The following LGI3 variants were observed in gnomAD, a reference collection of about 807,000 sequenced individuals.
The protein encoded by LGI3 is leucine rich repeat LGI family member 3.
Under a neutral mutation model 55.4 loss-of-function variants are expected in LGI3, and 47 were observed. The observed-to-expected ratio is 0.85, with a 90% CI of 0.67 to 1.08. The LOEUF is 1.08. Ranked by LOEUF, LGI3 falls within the 50% of genes least tolerant of loss-of-function variation. The probability of loss-of-function intolerance (pLI) is 0.00; values close to 1 mark genes in which losing one functional copy is unlikely to be tolerated. For synonymous variants in LGI3, 326 were observed against 315.0 expected, an observed-to-expected ratio of 1.04 and a Z score of -0.37; for missense variants, 664 against 726.3, an observed-to-expected ratio of 0.91 and a Z score of 0.99.
At chr8:22,154,332 G>A in intron 3 of LGI3, 119 bp from the exon 4 acceptor site, 1 of 903,176 alleles carries the variant, frequency 1.1e-6, no homozygotes, top group Non-Finnish European at 1.8e-6. Context: ...TCCAAATGGA[G>A]TCTGGCATCA....
At chr8:22,154,950 A>C in intron 2 of LGI3, 1 of 434,274 alleles carries the variant, frequency 2.3e-6, no homozygotes, top group Non-Finnish European at 4.2e-6. Context: ...CCAGCCCCTC[A>C]TGGACAACTG....
In LGI3 at chr8:22,156,325, C is replaced by G; in HGVS notation, c.206+12G>C. ...CCCTCCCCAACCCCCAAGGCCAGGG[C>G]TGGACACTCACAGGGAGATGACCTC... On this transcript the variant is annotated intron_variant, in intron 1 of 7. Transcript: ENST00000306317. The G allele has an allele frequency of 6.2e-7, 1 of 1,610,672 alleles. No homozygotes were observed. The highest frequency in any genetic ancestry group is 1.1e-5 in the South Asian group (1 of 90,726).
At chr8:22,152,759 A>G (rs1186768116) in intron 5 of LGI3, among the ~76,000 whole-genome samples, 7 of 148,672 alleles carry the variant, frequency 4.7e-5, no homozygotes, top group Non-Finnish European at 8.9e-5. Flanking sequence ...AAAAAAAAAA[A>G]GCACATGTTG....
intron 6 of LGI3, 27 bp from the exon 7 acceptor site, chr8:22,151,680 A>G (rs1827380447): frequency 6.2e-7 from 1 of 1,610,550 alleles, no homozygotes; most frequent in African/African-American, 1.3e-5. Flanking sequence ...GCGTTACTGA[A>G]GACCAGAGGG....
chr8:22,149,123 A>G (rs959959744), intron 7 of LGI3, 146 bp from the exon 8 acceptor site: 13 of 611,390 alleles, frequency 2.1e-5, no homozygotes, highest in African/African-American at 5.5e-5. Flanking sequence ...AAGTTCATCC[A>G]CTAAGCGCTC....
At chr8:22,150,610 G>T (rs1043381775) in intron 7 of LGI3, among the ~76,000 whole-genome samples, 1 of 151,758 alleles carries the variant, frequency 6.6e-6, no homozygotes, top group Non-Finnish European at 1.5e-5. Flanking sequence ...CACCCGCCTC[G>T]GCCTCCCAAA....
At chr8:22,156,100 A>G (rs1827492205) in intron 1 of LGI3, among the ~76,000 whole-genome samples, 1 of 152,108 alleles carries the variant, frequency 6.6e-6, no homozygotes, top group Admixed American at 6.5e-5. Context: ...GCTCGTGGTG[A>G]TGATGATTCA....
In LGI3 at chr8:22,154,230, C is replaced by A; in HGVS notation, c.351-17G>T. ...TCAATGAAGCTGGGGAAAGCGGGAACTTGCCTCAGTGCTCACACAGGATGC... is the reference window on the plus strand; with the variant it reads ...TCAATGAAGCTGGGGAAAGCGGGAAATTGCCTCAGTGCTCACACAGGATGC... On this transcript the variant is annotated splice_polypyrimidine_tract_variant and intron_variant, in intron 3 of 7. Transcript: ENST00000306317. The A allele has an allele frequency of 6.2e-7, 1 of 1,610,724 alleles. No homozygotes were observed. Among genetic ancestry groups the A allele is most frequent in the Non-Finnish European group, 8.5e-7 (1 of 1,177,100 alleles).
Position 22,155,448 on chromosome 8 carries a change from G to A in LGI3, c.222C>T (p.Ala74=), listed in dbSNP as rs559619225. Residue 74 remains alanine, a synonymous_variant, in exon 2 of 8, where the codon GCC becomes GCT. Transcript: ENST00000306317. Reference sequence around the variant, plus strand: ...CTCCATCCTGGATCTCTGAGAAGGCGGCATTCACCAGGGTCCTGCGGGGAC... The same window carrying A: ...CTCCATCCTGGATCTCTGAGAAGGCAGCATTCACCAGGGTCCTGCGGGGAC... ...SEVISLTLVN[A]AFSEIQDGAF... is the part of the protein sequence containing the mutation. 227 of 1,613,802 alleles carry A rather than the reference G, an allele frequency of 1.4e-4. 2 individuals are homozygous for A. The South Asian group carries it at 1.9e-3, about 14-fold the overall frequency.
In LGI3 at chr8:22,148,068, G is replaced by A. The variant is rs535896704; in HGVS notation, c.*92C>T. On this transcript the variant is annotated 3_prime_UTR_variant, in exon 8 of 8. Coordinates refer to ENST00000306317, the MANE Select transcript of LGI3 (RefSeq NM_139278.4). The surrounding 1 kb of genome is among the most constrained non-coding windows in gnomAD (Gnocchi z 7.0). ...ACAAGGGCATGAATGCAGGTTGGTC[G>A]CTTGTCTTCACACAGGCATACGTGG... The A allele has an allele frequency of 3.8e-5, 43 of 1,119,000 alleles. No individual in the cohort carries two copies. Among genetic ancestry groups the A allele is most frequent in the Middle Eastern group, 6.1e-4 (2 of 3,264 alleles). The allele number at this position is 1,119,000 out of a possible 1,614,324, so 69.3% of individuals were successfully genotyped here.
At chr8:22,155,578 T>A in intron 1 of LGI3, 115 bp from the exon 2 acceptor site, 1 of 828,846 alleles carries the variant, frequency 1.2e-6, no homozygotes, top group Non-Finnish European at 2.0e-6. Flanking sequence ...AATGCCCCAT[T>A]TCACCTAATT....
In LGI3 at chr8:22,148,064, GGTCGCTTGTCTT is replaced by G; in HGVS notation, c.*84_*95del. ...GGATACAAGGGCATGAATGCAGGTT[GGTCGCTTGTCTT>G]CACACAGGCATACGTGGTGCTCACA... On this transcript the variant is annotated 3_prime_UTR_variant, in exon 8 of 8. Coordinates refer to ENST00000306317, the MANE Select transcript of LGI3 (RefSeq NM_139278.4). The surrounding 1 kb of genome is among the most constrained non-coding windows in gnomAD (Gnocchi z 7.0). 9.9e-7 allele frequency: 1 copy of G among 1,008,458 alleles called. No individual in the cohort carries two copies. Among genetic ancestry groups the G allele is most frequent in the Non-Finnish European group, 1.5e-6 (1 of 682,484 alleles). 62.5% of individuals were successfully genotyped at this position (1,008,458 alleles called of 1,614,324 possible). A position where few individuals can be genotyped will look rare whatever the true frequency, so the allele number is the denominator to read the frequency against.
Position 22,148,136 on chromosome 8 carries a change from G to C in LGI3, c.*24C>G, listed in dbSNP as rs1827329247. 1 of 1,552,870 alleles carries C rather than the reference G, an allele frequency of 6.4e-7. No individual in the cohort carries two copies. Among genetic ancestry groups the C allele is most frequent in the African/African-American group, 1.4e-5 (1 of 72,880 alleles). On this transcript the variant is annotated 3_prime_UTR_variant, in exon 8 of 8. Coordinates refer to ENST00000306317, the MANE Select transcript of LGI3 (RefSeq NM_139278.4). The surrounding 1 kb of genome is among the most constrained non-coding windows in gnomAD (Gnocchi z 7.0). ...ACCCATCCTCCAGTGGCCACCCTGA[G>C]GAGACCAGAGGCCTCGGCACCCCCT...
chr8:22,153,845 C>T (rs1827448569), intron 5 of LGI3, 123 bp downstream of exon 5: 1 of 984,688 alleles, frequency 1.0e-6, no homozygotes, highest in East Asian at 2.4e-5. Flanking sequence ...CTCAGGGTCC[C>T]CCCACCCAAG....
rs866615147 is a variant in LGI3, at chr8:22,156,660, A to G, written c.-118T>C. On this transcript the variant is annotated 5_prime_UTR_variant, in exon 1 of 8. Coordinates refer to ENST00000306317, the MANE Select transcript of LGI3 (RefSeq NM_139278.4). ...GCCACCGGCAGCTGCTACCGCAGCC[A>G]GGGGCCCGCCTGCGGACTCCTCCTG... 2.1e-4 allele frequency: 58 copies of G among 278,824 alleles called. No homozygotes were observed. The highest frequency in any genetic ancestry group is 1.2e-3 in the African/African-American group (55 of 44,378). The allele number at this position is 278,824 out of a possible 1,614,324, so 17.3% of individuals were successfully genotyped here.
intron 2 of LGI3, 50 bp from the exon 3 acceptor site, chr8:22,154,681 C>CCAGCCCCCAGCCCGCTGCCT: frequency 7.4e-7 from 1 of 1,354,970 alleles, no homozygotes; most frequent in Non-Finnish European, 1.1e-6. Flanking sequence ...GCCTGCTGCC[C>CCAGCCCCCAGCCCGCTGCCT]CAGCCCCCAG....
chr8:22,154,710 G>C, intron 2 of LGI3, 79 bp from the exon 3 acceptor site: 3 of 1,131,012 alleles, frequency 2.7e-6, no homozygotes, highest in East Asian at 4.8e-5. Flanking sequence ...CTCAGCCCTG[G>C]GCTTCCCCAA....
At position 22,154,224 on chromosome 8, in the gene LGI3, C is replaced by A; in HGVS notation, c.351-11G>T. ...TTGTTCTCAATGAAGCTGGGGAAAG[C>A]GGGAACTTGCCTCAGTGCTCACACA... On this transcript the variant is annotated splice_polypyrimidine_tract_variant and intron_variant, in intron 3 of 7. Transcript: ENST00000306317. 6.2e-7 allele frequency: 1 copy of A among 1,612,546 alleles called. No individual in the cohort carries two copies. Among genetic ancestry groups the A allele is most frequent in the Non-Finnish European group, 8.5e-7 (1 of 1,178,772 alleles).
intron 5 of LGI3, among the ~76,000 whole-genome samples, chr8:22,153,723 A>AC (rs995418684): frequency 3.5e-5 from 5 of 141,108 alleles, no homozygotes; most frequent in African/African-American, 8.2e-5. Flanking sequence ...AAAAAAAAAA[A>AC]AAACACACAC....
Sources: gnomAD v4.1 joint callset for allele counts (sites outside exome capture counted in the v4.1 genomes callset) on GRCh38, gnomAD v4.1.1 for gene constraint, Gnocchi (gnomAD v3.1) non-coding constraint, MANE v1.5 for transcripts, NCBI Gene and HGNC (gene_info 2026-07-23, HGNC 2026-07-21) for gene names.